The following COG2 variants were observed in gnomAD, a reference collection of about 807,000 sequenced individuals.
COG2 encodes the protein conserved oligomeric Golgi complex subunit 2.
In COG2, 52 loss-of-function variants were observed where a neutral mutation model predicts 90.6. That is an observed-to-expected ratio of 0.57 (90% CI 0.46 to 0.72). COG2 has a LOEUF of 0.72. Among genes scored for constraint, COG2 ranks in the 30% least tolerant of loss-of-function variants. The pLI, the probability that COG2 is intolerant of heterozygous loss-of-function variation, is 0.00. For synonymous variants in COG2, 337 were observed against 320.4 expected, an observed-to-expected ratio of 1.05 and a Z score of -0.55; for missense variants, 829 against 891.2, an observed-to-expected ratio of 0.93 and a Z score of 0.89.
At chr1:230,685,869 G>A (rs55928587) in intron 12 of COG2, among the ~76,000 whole-genome samples, 5,380 of 152,254 alleles carry the variant, frequency 0.035, 325 homozygotes, top group African/African-American at 0.12. Context: ...GGGACAGCGT[G>A]AGTAACAGAC....
chr1:230,677,911 CA>C, intron 9 of COG2: 1 of 505,848 alleles, frequency 2.0e-6, no homozygotes, highest in Non-Finnish European at 2.6e-6. Flanking sequence ...AGTTTTGTCC[CA>C]AAAGGGAAGA....
At position 230,642,495 on chromosome 1, in the gene COG2, G is replaced by C. The variant is rs1461623380; in HGVS notation, c.-112G>C. The C allele has an allele frequency of 1.6e-5, 16 of 975,596 alleles. No individual in the cohort carries two copies. The highest frequency in any genetic ancestry group is 2.4e-5 in the Non-Finnish European group (16 of 674,838). 60.4% of individuals were successfully genotyped at this position (975,596 alleles called of 1,614,324 possible). A position where few individuals can be genotyped will look rare whatever the true frequency, so the allele number is the denominator to read the frequency against. On this transcript the variant is annotated 5_prime_UTR_variant, in exon 1 of 18. Coordinates refer to ENST00000366669, the MANE Select transcript of COG2 (RefSeq NM_007357.3). ...CGGGCGCTGCCATGTTGGCGGAAGCGGACCCCCCTGTGCCGTGGAAACTGG... is the reference window on the plus strand; with the variant it reads ...CGGGCGCTGCCATGTTGGCGGAAGCCGACCCCCCTGTGCCGTGGAAACTGG...
In COG2 at chr1:230,693,489, G is replaced by A. The variant is rs1251132350; in HGVS notation, c.*96G>A. ...AAGTGACTCTGTTCTCTTAGCAACC[G>A]TCTGTAGCAAAGAAGTGCTTCCAGC... On this transcript the variant is annotated 3_prime_UTR_variant, in exon 18 of 18. Coordinates refer to ENST00000366669, the MANE Select transcript of COG2 (RefSeq NM_007357.3). 1.4e-5 allele frequency: 10 copies of A among 719,396 alleles called. No individual in the cohort carries two copies. Among genetic ancestry groups the A allele is most frequent in the South Asian group, 5.8e-5 (3 of 52,078 alleles). The allele number at this position is 719,396 out of a possible 1,614,324, so 44.6% of individuals were successfully genotyped here. A position where few individuals can be genotyped will look rare whatever the true frequency, so the allele number is the denominator to read the frequency against.
rs1215651736 is a variant in COG2, at chr1:230,642,515, A to G, written c.-92A>G. ...GAAGCGGACCCCCCTGTGCCGTGGAAACTGGCGGTGGCCGCGGCCGCCGAG... is the reference window on the plus strand; with the variant it reads ...GAAGCGGACCCCCCTGTGCCGTGGAGACTGGCGGTGGCCGCGGCCGCCGAG... On this transcript the variant is annotated 5_prime_UTR_variant, in exon 1 of 18. Coordinates refer to ENST00000366669, the MANE Select transcript of COG2 (RefSeq NM_007357.3). The G allele has an allele frequency of 1.5e-5, 20 of 1,306,350 alleles. No individual in the cohort carries two copies. Among genetic ancestry groups the G allele is most frequent in the Non-Finnish European group, 2.0e-5 (19 of 929,984 alleles). 80.9% of individuals were successfully genotyped at this position (1,306,350 alleles called of 1,614,324 possible). A position where few individuals can be genotyped will look rare whatever the true frequency, so the allele number is the denominator to read the frequency against.
chr1:230,688,835 G>T (rs16852311), intron 15 of COG2, among the ~76,000 whole-genome samples: 1 of 151,990 alleles, frequency 6.6e-6, no homozygotes, highest in African/African-American at 2.4e-5. Flanking sequence ...AGGAAAAGTA[G>T]GTTTTTCAGA....
intron 1 of COG2, among the ~76,000 whole-genome samples, chr1:230,651,893 T>C (rs1435194574): frequency 6.6e-6 from 1 of 152,218 alleles, no homozygotes; most frequent in Non-Finnish European, 1.5e-5. Flanking sequence ...TATAGAAGAA[T>C]TGAGCAGAAA....
At chr1:230,678,756 G>T in intron 9 of COG2, 157 bp from the exon 10 acceptor site, 1 of 1,528,638 alleles carries the variant, frequency 6.5e-7, no homozygotes, top group Non-Finnish European at 8.8e-7. Context: ...TCTTTAAATG[G>T]GGACATTGGA....
intron 1 of COG2, among the ~76,000 whole-genome samples, chr1:230,655,036 C>G (rs190905702): frequency 3.8e-4 from 58 of 152,306 alleles, no homozygotes; most frequent in Admixed American, 3.1e-3. Flanking sequence ...ATCATGTCAT[C>G]TGCAAACAGA....
intron 5 of COG2, among the ~76,000 whole-genome samples, chr1:230,668,342 G>A (rs943602403): frequency 2.0e-5 from 3 of 152,110 alleles, no homozygotes; most frequent in East Asian, 1.9e-4. Context: ...GCTTGGAGTC[G>A]GTGGCAGAAA....
intron 9 of COG2, among the ~76,000 whole-genome samples, chr1:230,677,405 A>G (rs974365368): frequency 6.6e-6 from 1 of 152,212 alleles, no homozygotes; most frequent in Non-Finnish European, 1.5e-5. Context: ...CACAGATAAG[A>G]CAACACATTG....
At chr1:230,660,936 T>C in intron 3 of COG2, 113 bp downstream of exon 3, 2 of 603,372 alleles carry the variant, frequency 3.3e-6, no homozygotes, top group Non-Finnish European at 5.5e-6. Context: ...GTTTTTTGAA[T>C]GTTTAGTAAT....
At chr1:230,687,224 C>A (rs375161445) in intron 13 of COG2, 92 bp downstream of exon 13, 1 of 1,105,558 alleles carries the variant, frequency 9.0e-7, no homozygotes, top group South Asian at 2.0e-5. Context: ...CTGGGCCTTA[C>A]GGGGCTTAAA....
intron 16 of COG2, chr1:230,690,400 G>T (rs1314610975): frequency 1.4e-5 from 5 of 360,856 alleles, no homozygotes; most frequent in African/African-American, 1.1e-4. Context: ...CAGTGCCCCC[G>T]CATCTCCAGG....
At chr1:230,643,655 G>GT (rs199999572) in intron 1 of COG2, among the ~76,000 whole-genome samples, 157 of 150,822 alleles carry the variant, frequency 1.0e-3, no homozygotes, top group South Asian at 4.9e-3. Context: ...CTCCAAAGCT[G>GT]TTTTTTTTTA....
At chr1:230,674,905 C>A in intron 8 of COG2, 93 bp from the exon 9 acceptor site, 1 of 953,650 alleles carries the variant, frequency 1.0e-6, no homozygotes, top group Non-Finnish European at 1.5e-6. Flanking sequence ...AAGTTTTAGA[C>A]TGCGGATCTT....
intron 4 of COG2, among the ~76,000 whole-genome samples, chr1:230,663,817 T>C (rs1662247352): frequency 6.6e-6 from 1 of 152,110 alleles, no homozygotes. Context: ...AGAGGACAAA[T>C]ATGATCAGAA....
At chr1:230,664,272 T>C (rs956524726) in intron 4 of COG2, among the ~76,000 whole-genome samples, 3 of 152,050 alleles carry the variant, frequency 2.0e-5, no homozygotes, top group African/African-American at 7.2e-5. Context: ...ATTCTGAAAT[T>C]GTGATAGAAT....
rs1421164814 is a variant in COG2 at position 230,669,443 on chromosome 1, C to A, written c.682C>A (p.Arg228=). The change falls in exon 7 of 18, where the codon CGG becomes AGG. Residue 228 remains arginine, a synonymous_variant. Coordinates refer to ENST00000366669, the MANE Select transcript of COG2 (RefSeq NM_007357.3). ...GLQTSDVDII[R]HCLRTYATID... is the part of the protein sequence containing the mutation. ...TCAGACGTCTGACGTCGATATAATA[C>A]GGCACTGCTTGCGGACTTACGCCAC... 6.2e-7 allele frequency: 1 copy of A among 1,614,064 alleles called. No individual in the cohort carries two copies. The highest frequency in any genetic ancestry group is 1.3e-5 in the African/African-American group (1 of 75,038).
chr1:230,655,688 T>C (rs1442291213), intron 1 of COG2, among the ~76,000 whole-genome samples: 1 of 152,258 alleles, frequency 6.6e-6, no homozygotes, highest in Non-Finnish European at 1.5e-5. Flanking sequence ...AGCTCCTCTT[T>C]GTACCTCTGG....
Sources: allele counts gnomAD v4.1 joint callset (sites outside exome capture counted in the v4.1 genomes callset), GRCh38; gene constraint gnomAD v4.1.1; transcripts MANE v1.5; gene names NCBI Gene and HGNC (gene_info 2026-07-23, HGNC 2026-07-21).